The following ZDHHC21 variants were observed in gnomAD, a reference collection of about 807,000 sequenced individuals.
ZDHHC21 encodes palmitoyltransferase ZDHHC21.
A neutral mutation model predicts 34.6 loss-of-function variants in ZDHHC21; 15 were observed. The observed-to-expected ratio is 0.43, with a 90% CI of 0.29 to 0.67. The LOEUF (loss-of-function observed/expected upper bound fraction) is 0.67. Ranked by LOEUF, ZDHHC21 falls within the 30% of genes least tolerant of loss-of-function variation. The pLI is 0.14. For missense variants in ZDHHC21, 344 were observed against 327.7 expected, an observed-to-expected ratio of 1.05 and a Z score of -0.38; for synonymous variants, 142 against 101.8, an observed-to-expected ratio of 1.40 and a Z score of -2.38.
intron 7 of ZDHHC21, among the ~76,000 whole-genome samples, chr9:14,643,639 A>C (rs1258460096): frequency 6.6e-6 from 1 of 152,182 alleles, no homozygotes; most frequent in African/African-American, 2.4e-5. Context: ...AGCCTTTTAA[A>C]AGCTTTGTTA....
In ZDHHC21 at chr9:14,613,575, TC is replaced by T. The variant is rs951029388; in HGVS notation, c.*5390del. The T allele has an allele frequency of 9.9e-5, 15 of 151,870 alleles. No homozygotes were observed. The highest frequency in any genetic ancestry group is 1.8e-4 in the Non-Finnish European group (12 of 67,822). The allele number at this position is 151,870 out of a possible 1,614,324, so 9.4% of individuals were successfully genotyped here. A position where few individuals can be genotyped will look rare whatever the true frequency, so the allele number is the denominator to read the frequency against. The stretch of plus-strand genomic sequence containing the variant: ...CTTCTGTTAAGCTATTTTGTCCGCA[TC>T]TTTGTTTATATATAAAGCTATCGAT... On this transcript the variant is annotated 3_prime_UTR_variant, in exon 10 of 10. Coordinates refer to ENST00000380916, the MANE Select transcript of ZDHHC21 (RefSeq NM_178566.6).
intron 7 of ZDHHC21, among the ~76,000 whole-genome samples, chr9:14,641,394 T>TA (rs981183391): frequency 1.3e-5 from 2 of 152,146 alleles, no homozygotes; most frequent in East Asian, 1.9e-4. Flanking sequence ...GTGGATGACA[T>TA]AAAAAATTAA....
intron 7 of ZDHHC21, among the ~76,000 whole-genome samples, chr9:14,642,751 G>A (rs1210009729): frequency 6.6e-6 from 1 of 152,220 alleles, no homozygotes; most frequent in Non-Finnish European, 1.5e-5. Context: ...TCTTGGAGTT[G>A]TAGCCTACAG....
chr9:14,645,711 T>C (rs1202933826), intron 7 of ZDHHC21, among the ~76,000 whole-genome samples: 1 of 151,992 alleles, frequency 6.6e-6, no homozygotes, highest in East Asian at 1.9e-4. Flanking sequence ...AGGACTAATC[T>C]AAAACGCCCT....
In ZDHHC21 at chr9:14,674,134, C is replaced by T. The variant is rs1415217331; in HGVS notation, c.154+53G>A. On this transcript the variant is annotated intron_variant, in intron 4 of 9. Coordinates refer to ENST00000380916, the MANE Select transcript of ZDHHC21 (RefSeq NM_178566.6). ...TCATAGTGGCACTACACCCCAAAAA[C>T]GTTTACAATGAGAAAAATAATTATA... is the stretch of plus-strand genomic sequence containing the variant. 13 of 1,318,582 alleles carry T rather than the reference C, an allele frequency of 9.9e-6. No individual in the cohort carries two copies. In the East Asian group the frequency reaches 1.4e-4, roughly 14 times the overall value. The allele number at this position is 1,318,582 out of a possible 1,614,324, so 81.7% of individuals were successfully genotyped here. A position where few individuals can be genotyped will look rare whatever the true frequency, so the allele number is the denominator to read the frequency against.
chr9:14,683,097 T>C (rs917810890), intron 2 of ZDHHC21, among the ~76,000 whole-genome samples: 41 of 152,086 alleles, frequency 2.7e-4, no homozygotes, highest in African/African-American at 9.4e-4. Context: ...AGATCTAAAA[T>C]TGACACCCTA....
In ZDHHC21 at chr9:14,693,323, G is replaced by A. The variant is rs1357391706; in HGVS notation, c.-319C>T. 1 of 414,602 alleles carries A rather than the reference G, an allele frequency of 2.4e-6. No homozygotes were observed. The highest frequency in any genetic ancestry group is 1.7e-5 in the South Asian group (1 of 60,420). The allele number at this position is 414,602 out of a possible 1,614,324, so 25.7% of individuals were successfully genotyped here. On this transcript the variant is annotated 5_prime_UTR_variant, in exon 1 of 10. Transcript: ENST00000380916. ...CCGCGCCACCTCCGCCTCCTCCGGC[G>A]CCGCCGCCCAGGCCGGGCCGCTCTC... is the stretch of plus-strand genomic sequence containing the variant.
chr9:14,642,254 G>A (rs1259074875), intron 7 of ZDHHC21, among the ~76,000 whole-genome samples: 1 of 152,086 alleles, frequency 6.6e-6, no homozygotes, highest in Non-Finnish European at 1.5e-5. Context: ...GTTCACACAT[G>A]CATAATTAAC....
Position 14,611,074 on chromosome 9 carries a change from G to A in ZDHHC21, c.*7892C>T, listed in dbSNP as rs987147190. The A allele has an allele frequency of 7.9e-5, 12 of 151,622 alleles. No homozygotes were observed. The highest frequency in any genetic ancestry group is 2.0e-4 in the Admixed American group (3 of 15,196). 9.4% of individuals were successfully genotyped at this position (151,622 alleles called of 1,614,324 possible). A position where few individuals can be genotyped will look rare whatever the true frequency, so the allele number is the denominator to read the frequency against. ...GGTAAGAGGATAAAAACAGTCCTACGTTTTTAAAAAATATTTATTTAAAAA... is the reference window on the plus strand; with the variant it reads ...GGTAAGAGGATAAAAACAGTCCTACATTTTTAAAAAATATTTATTTAAAAA... On this transcript the variant is annotated 3_prime_UTR_variant, in exon 10 of 10. Transcript: ENST00000380916.
chr9:14,616,638 A>T lies in ZDHHC21; in HGVS notation c.*2328T>A, dbSNP rs1188950181. ...CAGTTGGTTTTTCTCTAGTAGTCTAATAAGAATTAACAAAACCCACAGGAG... is the reference window on the plus strand; with the variant it reads ...CAGTTGGTTTTTCTCTAGTAGTCTATTAAGAATTAACAAAACCCACAGGAG... On this transcript the variant is annotated 3_prime_UTR_variant, in exon 10 of 10. Coordinates refer to ENST00000380916, the MANE Select transcript of ZDHHC21 (RefSeq NM_178566.6). 2.6e-5 allele frequency: 4 copies of T among 151,986 alleles called. No homozygotes were observed. The East Asian group carries it at 7.7e-4, about 29-fold the overall frequency. The allele number at this position is 151,986 out of a possible 1,614,324, so 9.4% of individuals were successfully genotyped here.
the ZDHHC21 span, among the ~76,000 whole-genome samples, chr9:14,596,637 T>C: frequency 2.0e-5 from 3 of 152,270 alleles, no homozygotes; most frequent in South Asian, 4.1e-4. Flanking sequence ...TGGATTCAGA[T>C]AGGAAGACTT....
intron 1 of ZDHHC21, among the ~76,000 whole-genome samples, chr9:14,691,693 T>C (rs1472791276): frequency 6.6e-6 from 1 of 152,234 alleles, no homozygotes; most frequent in Non-Finnish European, 1.5e-5. Flanking sequence ...TTCTCAAGTA[T>C]GTTAACAGAA....
intron 2 of ZDHHC21, among the ~76,000 whole-genome samples, chr9:14,682,941 G>A (rs1476095117): frequency 6.6e-6 from 1 of 152,104 alleles, no homozygotes; most frequent in East Asian, 1.9e-4. Flanking sequence ...GTGACTACTA[G>A]GTACATAACG....
chr9:14,658,522 G>C (rs1235282776), intron 7 of ZDHHC21, among the ~76,000 whole-genome samples: 2 of 116,310 alleles, frequency 1.7e-5, no homozygotes, highest in Non-Finnish European at 3.3e-5. Context: ...CCAGGTTGGA[G>C]TGCAGTGGCG....
chr9:14,667,478 G>T (rs1004569223), intron 5 of ZDHHC21, among the ~76,000 whole-genome samples: 4 of 150,042 alleles, frequency 2.7e-5, no homozygotes, highest in African/African-American at 9.9e-5. Context: ...GAAAAAGAGG[G>T]AATCCTCCCT....
intron 8 of ZDHHC21, among the ~76,000 whole-genome samples, chr9:14,638,627 TG>T (rs1205348128): frequency 6.6e-6 from 1 of 151,800 alleles, no homozygotes; most frequent in African/African-American, 2.4e-5. Flanking sequence ...TTGAACTTTT[TG>T]CTTGACAAGG....
chr9:14,669,740 A>T (rs1173722867), intron 5 of ZDHHC21, among the ~76,000 whole-genome samples: 3 of 150,176 alleles, frequency 2.0e-5, no homozygotes, highest in Non-Finnish European at 3.0e-5. Context: ...CATTCTCAGT[A>T]AACTATCGCA....
the ZDHHC21 span, among the ~76,000 whole-genome samples, chr9:14,600,547 G>C: frequency 6.6e-6 from 1 of 152,180 alleles, no homozygotes; most frequent in East Asian, 1.9e-4. Context: ...TGGATAGGAA[G>C]AATCAATATG....
chr9:14,603,612 T>C, the ZDHHC21 span, among the ~76,000 whole-genome samples: 1 of 152,214 alleles, frequency 6.6e-6, no homozygotes, highest in Non-Finnish European at 1.5e-5. Flanking sequence ...CTCGTTAATC[T>C]ACCCTCATGT....
Sources: gnomAD v4.1 joint callset for allele counts (sites outside exome capture counted in the v4.1 genomes callset) on GRCh38, gnomAD v4.1.1 for gene constraint, MANE v1.5 for transcripts, NCBI Gene and HGNC (gene_info 2026-07-23, HGNC 2026-07-21) for gene names.